The following TPPP3 variants were observed in gnomAD, a reference collection of about 807,000 sequenced individuals.
TPPP3 encodes tubulin polymerization promoting protein family member 3.
A neutral mutation model predicts 13.1 loss-of-function variants in TPPP3; 7 were observed. The observed-to-expected ratio is 0.54, with a 90% CI of 0.30 to 1.01. TPPP3 has a LOEUF of 1.01. Among genes scored for constraint, TPPP3 ranks in the 50% least tolerant of loss-of-function variants. The pLI, the probability that TPPP3 is intolerant of heterozygous loss-of-function variation, is 0.06. For synonymous variants in TPPP3, 87 were observed against 93.7 expected (o/e 0.93, Z 0.41); for missense variants, 185 against 235.0 (o/e 0.79, Z 1.39).
At position 67,392,068 on chromosome 16, in the gene TPPP3, T is replaced by A. The variant is rs1489610051; in HGVS notation, c.-6-951A>T. 6.5e-6 allele frequency: 1 copy of A among 152,872 alleles called. No homozygotes were observed. Among genetic ancestry groups the A allele is most frequent in the Non-Finnish European group, 1.5e-5 (1 of 68,528 alleles). The allele number at this position is 152,872 out of a possible 1,614,324, so 9.5% of individuals were successfully genotyped here. A position where few individuals can be genotyped will look rare whatever the true frequency, so the allele number is the denominator to read the frequency against. Reference sequence around the variant, plus strand: ...TGTGGCTGAAACACACTTCATCATGTCTACACCTCAGACCTCCCCTGGCCA... The same window carrying A: ...TGTGGCTGAAACACACTTCATCATGACTACACCTCAGACCTCCCCTGGCCA... On this transcript the variant is annotated intron_variant, in intron 1 of 3. Transcript: ENST00000393957. This position sits in a 1 kb window ranked among gnomAD's most constrained non-coding sequence, Gnocchi z 4.9.
Position 67,390,840 on chromosome 16 carries a change from C to A in TPPP3, c.188+84G>T. 1 of 1,485,838 alleles carries A rather than the reference C, an allele frequency of 6.7e-7. No homozygotes were observed. Among genetic ancestry groups the A allele is most frequent in the Non-Finnish European group, 9.1e-7 (1 of 1,096,038 alleles). 92.0% of individuals were successfully genotyped at this position (1,485,838 alleles called of 1,614,324 possible). A position where few individuals can be genotyped will look rare whatever the true frequency, so the allele number is the denominator to read the frequency against. The stretch of plus-strand genomic sequence containing the variant: ...TTCGTGATCATGGTGTTTCCCTGAC[C>A]CCTTCTTGATGTCCTCCCTGGTTCC... On this transcript the variant is annotated intron_variant, in intron 2 of 3. Transcript: ENST00000393957. This position sits in a 1 kb window ranked among gnomAD's most constrained non-coding sequence, Gnocchi z 6.4.
In TPPP3 at chr16:67,389,829, A is replaced by C; in HGVS notation, c.*345T>G. On this transcript the variant is annotated 3_prime_UTR_variant, in exon 4 of 4. Coordinates refer to ENST00000393957, the MANE Select transcript of TPPP3 (RefSeq NM_015964.4). ...CCATATTGGTACAAAAGGTGTCTTT[A>C]TTGAGGTCTGGGTTAAAATTAGGCA... The C allele has an allele frequency of 3.6e-6, 1 of 275,158 alleles. No individual in the cohort carries two copies. The highest frequency in any genetic ancestry group is 6.9e-6 in the Non-Finnish European group (1 of 144,186). The allele number at this position is 275,158 out of a possible 1,614,324, so 17.0% of individuals were successfully genotyped here.
chr16:67,393,167 C>G lies in TPPP3; in HGVS notation c.-7+213G>C. 1.6e-6 allele frequency: 1 copy of G among 621,874 alleles called. No homozygotes were observed. Among genetic ancestry groups the G allele is most frequent in the Non-Finnish European group, 2.0e-6 (1 of 497,788 alleles). 38.5% of individuals were successfully genotyped at this position (621,874 alleles called of 1,614,324 possible). ...ACCCGTGAACTGGAGCCACCCGTCC[C>G]GCTCCCACTGGGACAGCTGGAGTCA... is the stretch of plus-strand genomic sequence containing the variant. On this transcript the variant is annotated intron_variant, in intron 1 of 3. Coordinates refer to ENST00000393957, the MANE Select transcript of TPPP3 (RefSeq NM_015964.4). This position sits in a 1 kb window ranked among gnomAD's most constrained non-coding sequence, Gnocchi z 5.4.
chr16:67,390,438 C>A lies in TPPP3; in HGVS notation c.342+41G>T. On this transcript the variant is annotated intron_variant, in intron 3 of 3. Coordinates refer to ENST00000393957, the MANE Select transcript of TPPP3 (RefSeq NM_015964.4). The surrounding 1 kb of genome is among the most constrained non-coding windows in gnomAD (Gnocchi z 6.4). ...TCCCACCCACAGCCACGATTCCCCA[C>A]ACCCCATTCCGTGGCCACCCGAGAC... 1 of 1,610,216 alleles carries A rather than the reference C, an allele frequency of 6.2e-7. No individual in the cohort carries two copies. The highest frequency in any genetic ancestry group is 8.5e-7 in the Non-Finnish European group (1 of 1,177,560).
At position 67,391,902 on chromosome 16, in the gene TPPP3, T is replaced by C. The variant is rs531169049; in HGVS notation, c.-6-785A>G. 4 of 152,584 alleles carry C rather than the reference T, an allele frequency of 2.6e-5. No homozygotes were observed. Among genetic ancestry groups the C allele is most frequent in the Admixed American group, 2.6e-4 (4 of 15,312 alleles). The allele number at this position is 152,584 out of a possible 1,614,324, so 9.5% of individuals were successfully genotyped here. A position where few individuals can be genotyped will look rare whatever the true frequency, so the allele number is the denominator to read the frequency against. Reference sequence around the variant, plus strand: ...GCCAGCACTCCCTGCGCCTAGGGCATAACCGTGGCTTCCTGGCCCCTTGCC... The same window carrying C: ...GCCAGCACTCCCTGCGCCTAGGGCACAACCGTGGCTTCCTGGCCCCTTGCC... On this transcript the variant is annotated intron_variant, in intron 1 of 3. Transcript: ENST00000393957. The surrounding 1 kb of genome is among the most constrained non-coding windows in gnomAD (Gnocchi z 6.3).
Position 67,392,527 on chromosome 16 carries a change from A to C in TPPP3, c.-7+853T>G, listed in dbSNP as rs1012234790. 6.6e-6 allele frequency among the ~76,000 whole-genome samples: 1 copy of C among 150,566 alleles called. No individual in the cohort carries two copies. The highest frequency in any genetic ancestry group is 6.6e-5 in the Admixed American group (1 of 15,160). Reference sequence around the variant, plus strand: ...CCTGACCCTCAGCACCCCTTTGTCCACACACCCTCAGCCCTCTGGCCACAC... The same window carrying C: ...CCTGACCCTCAGCACCCCTTTGTCCCCACACCCTCAGCCCTCTGGCCACAC... On this transcript the variant is annotated intron_variant, in intron 1 of 3. Transcript: ENST00000393957. The surrounding 1 kb of genome is among the most constrained non-coding windows in gnomAD (Gnocchi z 4.9).
chr16:67,391,854 G>C lies in TPPP3; in HGVS notation c.-6-737C>G, dbSNP rs919919705. ...CTGAGGGGCTGGGCTGGGCTGGGAAGCTGGGGCCCACGGGTGGGGCACGCC... is the reference window on the plus strand; with the variant it reads ...CTGAGGGGCTGGGCTGGGCTGGGAACCTGGGGCCCACGGGTGGGGCACGCC... On this transcript the variant is annotated intron_variant, in intron 1 of 3. Transcript: ENST00000393957. This position sits in a 1 kb window ranked among gnomAD's most constrained non-coding sequence, Gnocchi z 6.3. The C allele has an allele frequency of 1.3e-5, 2 of 152,484 alleles. No homozygotes were observed. The highest frequency in any genetic ancestry group is 6.5e-5 in the Admixed American group (1 of 15,282). The allele number at this position is 152,484 out of a possible 1,614,324, so 9.4% of individuals were successfully genotyped here.
Position 67,389,863 on chromosome 16 carries a change from G to A in TPPP3, c.*311C>T, listed in dbSNP as rs1313461192. The stretch of plus-strand genomic sequence containing the variant: ...TGGGTTAAAATTAGGCACTTGGCCA[G>A]AGCAGCAGCTTAAATATGAGGCAAG... On this transcript the variant is annotated 3_prime_UTR_variant, in exon 4 of 4. Transcript: ENST00000393957. The A allele has an allele frequency of 1.0e-5, 4 of 382,368 alleles. No individual in the cohort carries two copies. The highest frequency in any genetic ancestry group is 5.0e-5 in the South Asian group (1 of 19,950). The allele number at this position is 382,368 out of a possible 1,614,324, so 23.7% of individuals were successfully genotyped here. A position where few individuals can be genotyped will look rare whatever the true frequency, so the allele number is the denominator to read the frequency against.
chr16:67,393,452 C>G lies in TPPP3; in HGVS notation c.-79G>C, dbSNP rs1019109633. On this transcript the variant is annotated 5_prime_UTR_variant, in exon 1 of 4. Transcript: ENST00000393957. The surrounding 1 kb of genome is among the most constrained non-coding windows in gnomAD (Gnocchi z 5.4). ...GGAATGGACCGATGGACGCGGGAGA[C>G]CAGGCGGCTCCGCAGCTCCGCTCCC... 1.0e-6 allele frequency: 1 copy of G among 985,544 alleles called. No individual in the cohort carries two copies. Among genetic ancestry groups the G allele is most frequent in the African/African-American group, 1.7e-5 (1 of 57,252 alleles). 61.0% of individuals were successfully genotyped at this position (985,544 alleles called of 1,614,324 possible).
Position 67,393,277 on chromosome 16 carries a change from G to T in TPPP3, c.-7+103C>A. On this transcript the variant is annotated intron_variant, in intron 1 of 3. Transcript: ENST00000393957. The surrounding 1 kb of genome is among the most constrained non-coding windows in gnomAD (Gnocchi z 5.4). ...GCCGCTCAGCTGGCTCCTCGGCTGG[G>T]ACCGCCGGAGGTTGGGACCCTTTCC... The T allele has an allele frequency of 2.1e-6, 2 of 961,456 alleles. No homozygotes were observed. The highest frequency in any genetic ancestry group is 2.5e-6 in the Non-Finnish European group (2 of 808,034). 59.6% of individuals were successfully genotyped at this position (961,456 alleles called of 1,614,324 possible).
chr16:67,392,394 C>A lies in TPPP3; in HGVS notation c.-7+986G>T, dbSNP rs2040338963. Among the ~76,000 whole-genome samples the A allele has an allele frequency of 6.6e-6, 1 of 151,474 alleles. No homozygotes were observed. Among genetic ancestry groups the A allele is most frequent in the African/African-American group, 2.4e-5 (1 of 41,184 alleles). ...GCCTTCTCCATCCCCACACCCGCAG[C>A]CCTGGGGCTGAGGCCCCTGGCCACA... On this transcript the variant is annotated intron_variant, in intron 1 of 3. Coordinates refer to ENST00000393957, the MANE Select transcript of TPPP3 (RefSeq NM_015964.4). This position sits in a 1 kb window ranked among gnomAD's most constrained non-coding sequence, Gnocchi z 4.9.
In TPPP3 at chr16:67,391,523, C is replaced by G. The variant is rs780660985; in HGVS notation, c.-6-406G>C. ...CCCTCCCTGGAAGCTCCATGCCAAGCTGGCTTGGGGCCAGGCCAGGCTGCT... is the reference window on the plus strand; with the variant it reads ...CCCTCCCTGGAAGCTCCATGCCAAGGTGGCTTGGGGCCAGGCCAGGCTGCT... On this transcript the variant is annotated intron_variant, in intron 1 of 3. Transcript: ENST00000393957. This position sits in a 1 kb window ranked among gnomAD's most constrained non-coding sequence, Gnocchi z 6.3. 27 of 194,114 alleles carry G rather than the reference C, an allele frequency of 1.4e-4. No homozygotes were observed. Among genetic ancestry groups the G allele is most frequent in the Non-Finnish European group, 2.7e-4 (25 of 93,396 alleles). 12.0% of individuals were successfully genotyped at this position (194,114 alleles called of 1,614,324 possible). A position where few individuals can be genotyped will look rare whatever the true frequency, so the allele number is the denominator to read the frequency against.
chr16:67,390,072 A>G lies in TPPP3; in HGVS notation c.*102T>C. On this transcript the variant is annotated 3_prime_UTR_variant, in exon 4 of 4. Transcript: ENST00000393957. This position sits in a 1 kb window ranked among gnomAD's most constrained non-coding sequence, Gnocchi z 6.4. ...GCAGGAAGCTCTGGGTGGCAGGTCC[A>G]GCAGGGAGGGGACCAGGATCTCTTG... 2.3e-6 allele frequency: 3 copies of G among 1,302,426 alleles called. No homozygotes were observed. Among genetic ancestry groups the G allele is most frequent in the Non-Finnish European group, 3.2e-6 (3 of 949,170 alleles). The allele number at this position is 1,302,426 out of a possible 1,614,324, so 80.7% of individuals were successfully genotyped here.
Position 67,391,062 on chromosome 16 carries a change from A to C in TPPP3, c.50T>G (p.Phe17Cys). 1.2e-6 allele frequency: 2 copies of C among 1,614,154 alleles called. No individual in the cohort carries two copies. Among genetic ancestry groups the C allele is most frequent in the South Asian group, 1.1e-5 (1 of 91,080 alleles). The change falls in exon 2 of 4, where the codon TTT (phenylalanine) becomes TGT (cysteine). Residue 17 changes from phenylalanine to cysteine, a missense_variant. Transcript: ENST00000393957. The surrounding 1 kb of genome is among the most constrained non-coding windows in gnomAD (Gnocchi z 6.3). Reference protein sequence around the residue: ...MAGLEESFRKFAIHGDPKASG... With the variant: ...MAGLEESFRKCAIHGDPKASG... Reference sequence around the variant, plus strand: ...GGCCTTGGGGTCACCATGGATGGCAAACTTGCGGAAGCTCTCCTCCAGCCC... The same window carrying C: ...GGCCTTGGGGTCACCATGGATGGCACACTTGCGGAAGCTCTCCTCCAGCCC...
rs1216785957 is a variant in TPPP3, at chr16:67,390,707, T to C, written c.189-75A>G. 1 of 1,541,020 alleles carries C rather than the reference T, an allele frequency of 6.5e-7. No individual in the cohort carries two copies. The highest frequency in any genetic ancestry group is 8.7e-7 in the Non-Finnish European group (1 of 1,150,076). On this transcript the variant is annotated intron_variant, in intron 2 of 3. Transcript: ENST00000393957. This position sits in a 1 kb window ranked among gnomAD's most constrained non-coding sequence, Gnocchi z 6.4. Reference sequence around the variant, plus strand: ...CAGGGGAAAGCTCAAACACATTTGCTGCCACCACAAATTATGCAATTGCGT... The same window carrying C: ...CAGGGGAAAGCTCAAACACATTTGCCGCCACCACAAATTATGCAATTGCGT...
chr16:67,393,190 T>C lies in TPPP3; in HGVS notation c.-7+190A>G. ...CCCGCTCCCACTGGGACAGCTGGAG[T>C]CATCAATCAGCCGGACCAGGAGGTG... On this transcript the variant is annotated intron_variant, in intron 1 of 3. Transcript: ENST00000393957. The surrounding 1 kb of genome is among the most constrained non-coding windows in gnomAD (Gnocchi z 5.4). 1 of 620,296 alleles carries C rather than the reference T, an allele frequency of 1.6e-6. No homozygotes were observed. Among genetic ancestry groups the C allele is most frequent in the Non-Finnish European group, 2.0e-6 (1 of 496,740 alleles). The allele number at this position is 620,296 out of a possible 1,614,324, so 38.4% of individuals were successfully genotyped here. A position where few individuals can be genotyped will look rare whatever the true frequency, so the allele number is the denominator to read the frequency against.
Position 67,390,921 on chromosome 16 carries a change from CACTTG to C in TPPP3, c.186_188+2del. 1.2e-6 allele frequency: 2 copies of C among 1,613,560 alleles called. No homozygotes were observed. Among genetic ancestry groups the C allele is most frequent in the South Asian group, 2.2e-5 (2 of 91,044 alleles). On this transcript the variant is annotated splice_donor_variant and coding_sequence_variant, in exon 2 of 4. Coordinates refer to ENST00000393957, the MANE Select transcript of TPPP3 (RefSeq NM_015964.4). LOFTEE classifies it high-confidence loss of function. The surrounding 1 kb of genome is among the most constrained non-coding windows in gnomAD (Gnocchi z 6.4). ...TGAGAAGCAGGGGCTGCTTAGGGCT[CACTTG>C]ACTTTGGAGAAGACGATGTCCACAT...
Position 67,390,558 on chromosome 16 carries a change from T to C in TPPP3, c.263A>G (p.Lys88Arg). The C allele has an allele frequency of 6.2e-7, 1 of 1,614,000 alleles. No homozygotes were observed. Among genetic ancestry groups the C allele is most frequent in the East Asian group, 2.2e-5 (1 of 44,858 alleles). Residue 88 changes from lysine to arginine, a missense_variant, in exon 3 of 4, where the codon AAG becomes AGG. Coordinates refer to ENST00000393957, the MANE Select transcript of TPPP3 (RefSeq NM_015964.4). The surrounding 1 kb of genome is among the most constrained non-coding windows in gnomAD (Gnocchi z 6.4). ...GAAGGCCTCCTCCTTGCTCTTCCCCTTGAATCTCTTGGTCGCCAGCTCTTC... is the reference window on the plus strand; with the variant it reads ...GAAGGCCTCCTCCTTGCTCTTCCCCCTGAATCTCTTGGTCGCCAGCTCTTC... ...ALEELATKRFKGKSKEEAFDA... is the reference protein window; with the variant it reads ...ALEELATKRFRGKSKEEAFDA...
chr16:67,391,060 C>T lies in TPPP3; in HGVS notation c.52G>A (p.Ala18Thr). The change falls in exon 2 of 4, where the codon GCC becomes ACC. Residue 18 changes from alanine to threonine, a missense_variant. Ala to Thr is a moderately conservative substitution (Grantham distance 58, BLOSUM62 0). Coordinates refer to ENST00000393957, the MANE Select transcript of TPPP3 (RefSeq NM_015964.4). The surrounding 1 kb of genome is among the most constrained non-coding windows in gnomAD (Gnocchi z 6.3). Reference protein sequence around the residue: ...AGLEESFRKFAIHGDPKASGQ... With the variant: ...AGLEESFRKFTIHGDPKASGQ... ...CTGGCCTTGGGGTCACCATGGATGG[C>T]AAACTTGCGGAAGCTCTCCTCCAGC... The T allele has an allele frequency of 6.2e-7, 1 of 1,614,222 alleles. No individual in the cohort carries two copies. The highest frequency in any genetic ancestry group is 1.1e-5 in the South Asian group (1 of 91,088).
Sources: allele counts gnomAD v4.1 joint callset (sites outside exome capture counted in the v4.1 genomes callset), GRCh38; gene constraint gnomAD v4.1.1; non-coding constraint Gnocchi (gnomAD v3.1); transcripts MANE v1.5; gene names NCBI Gene and HGNC (gene_info 2026-07-23, HGNC 2026-07-21).